ZNF584: variants seen among roughly 807,000 people sequenced by gnomAD.
ZNF584 encodes the protein zinc finger protein 584.
In ZNF584, 12 loss-of-function variants were observed where a neutral mutation model predicts 14.7. The observed-to-expected ratio is 0.82, with a 90% CI of 0.52 to 1.32. ZNF584 has a LOEUF of 1.32. Ranked by LOEUF, ZNF584 falls within the 40% of genes most tolerant of loss-of-function variation. The pLI is 0.00. For missense variants in ZNF584, 478 were observed against 518.8 expected (o/e 0.92, Z 0.76); for synonymous variants, 204 against 190.9 (o/e 1.07, Z -0.57).
intron 1 of ZNF584, chr19:58,401,689 C>G (rs1288268860): frequency 6.6e-6 from 1 of 150,712 alleles, no homozygotes; most frequent in East Asian, 2.0e-4. Flanking sequence ...AGACCAGTCC[C>G]TTCGAGCGCC....
At position 58,412,488 on chromosome 19, in the gene ZNF584, C is replaced by T. The variant is rs958579964; in HGVS notation, c.169+2397C>T. Among the ~76,000 whole-genome samples the T allele has an allele frequency of 4.6e-5, 7 of 151,950 alleles. No homozygotes were observed. The East Asian group carries it at 5.8e-4, about 13-fold the overall frequency. ...CCTCCCAAAGTGCTGGGATTACAGG[C>T]GTGAGCCACCACGCCCGGCCTGGCC... On this transcript the variant is annotated intron_variant, in intron 2 of 3. Coordinates refer to ENST00000306910, the MANE Select transcript of ZNF584 (RefSeq NM_173548.3).
At position 58,409,152 on chromosome 19, in the gene ZNF584, C is replaced by A; in HGVS notation, c.5C>A (p.Ala2Asp). 3 of 1,445,640 alleles carry A rather than the reference C, an allele frequency of 2.1e-6. No homozygotes were observed. The highest frequency in any genetic ancestry group is 1.8e-6 in the Non-Finnish European group (2 of 1,091,806). 89.6% of individuals were successfully genotyped at this position (1,445,640 alleles called of 1,614,324 possible). Reference protein sequence around the residue: MAGEAEAQLDPS... With the variant: MDGEAEAQLDPS... ...GGGTTCTGCCCGCACGGTCCAATGG[C>A]CGGGGAGGCGGAGGTGAGCAGAGGA... The change falls in exon 1 of 4, where the codon GCC becomes GAC. Residue 2 changes from alanine (A) to aspartate (D), a missense_variant. Coordinates refer to ENST00000306910, the MANE Select transcript of ZNF584 (RefSeq NM_173548.3).
In ZNF584 at chr19:58,417,096, G is replaced by A. The variant is rs756305635; in HGVS notation, c.578G>A (p.Arg193Lys). 5.0e-6 allele frequency: 8 copies of A among 1,613,900 alleles called. No individual in the cohort carries two copies. In the East Asian group the frequency reaches 1.8e-4, roughly 36 times the overall value. The change falls in exon 4 of 4, where the codon AGA becomes AAA. Residue 193 changes from arginine to lysine, a missense_variant. Physicochemically the swap from Arg to Lys is conservative, Grantham distance 26. Transcript: ENST00000306910. ...AGACCCTTCAGATGCCCAACAGGCAGAAGTGCTTTCAAGAAGTCAGCTCAT... is the reference window on the plus strand; with the variant it reads ...AGACCCTTCAGATGCCCAACAGGCAAAAGTGCTTTCAAGAAGTCAGCTCAT... ...EERPFRCPTG[R>K]SAFKKSAHIN...
At chr19:58,413,253 G>A (rs1012609629) in intron 2 of ZNF584, among the ~76,000 whole-genome samples, 2 of 151,894 alleles carry the variant, frequency 1.3e-5, no homozygotes, top group African/African-American at 4.8e-5. Context: ...TTTAAAATAT[G>A]GGTATTTATA....
At chr19:58,416,099 A>T in intron 3 of ZNF584, 1 of 750,806 alleles carries the variant, frequency 1.3e-6, no homozygotes, top group Non-Finnish European at 2.1e-6. Context: ...TGACTTGGAG[A>T]CCCCACCTCT....
Position 58,417,595 on chromosome 19 carries a change from T to G in ZNF584, c.1077T>G (p.Cys359Trp), listed in dbSNP as rs1313401634. ...AACGGCCCTATGAATGTAGCCTGTGTGGGAAAACCTTCACTACCAGATCCT... is the reference window on the plus strand; with the variant it reads ...AACGGCCCTATGAATGTAGCCTGTGGGGGAAAACCTTCACTACCAGATCCT... ...TGERPYECSLCGKTFTTRSYR... is the reference protein window; with the variant it reads ...TGERPYECSLWGKTFTTRSYR... The change falls in exon 4 of 4, where the codon TGT (cysteine) becomes TGG (tryptophan). Residue 359 changes from cysteine to tryptophan, a missense_variant. Transcript: ENST00000306910. 1 of 1,614,096 alleles carries G rather than the reference T, an allele frequency of 6.2e-7. No individual in the cohort carries two copies. Among genetic ancestry groups the G allele is most frequent in the South Asian group, 1.1e-5 (1 of 91,072 alleles).
intron 1 of ZNF584, chr19:58,401,733 CG>C (rs1238354576): frequency 9.9e-6 from 1 of 101,354 alleles, no homozygotes. Flanking sequence ...ACGCCGGGGA[CG>C]AGTCTGTGGC....
chr19:58,414,930 T>C (rs1245008504), intron 2 of ZNF584, among the ~76,000 whole-genome samples: 3 of 152,032 alleles, frequency 2.0e-5, no homozygotes, highest in Non-Finnish European at 2.9e-5. Context: ...TCTCGCACTG[T>C]CGCCCAGGCT....
At chr19:58,404,835 C>T (rs993431116), upstream of ZNF584, 13 of 164,200 alleles carry the variant, frequency 7.9e-5, no homozygotes, top group African/African-American at 1.5e-4. Flanking sequence ...CCTCACCTCC[C>T]GGACAGGGCG....
At chr19:58,407,433 C>T (rs3826680), upstream of ZNF584, 31,543 of 152,200 alleles carry the variant, frequency 0.21, 3,669 homozygotes, top group Non-Finnish European at 0.27. Flanking sequence ...CCGAGCTGAA[C>T]GTGACCAGCT....
chr19:58,403,913 A>G (rs1301082143), upstream of ZNF584, among the ~76,000 whole-genome samples: 2 of 147,522 alleles, frequency 1.4e-5, no homozygotes, highest in Admixed American at 6.9e-5. Flanking sequence ...TTACTGTGAG[A>G]TCGTGGCACT....
chr19:58,410,605 A>ATG (rs2052546293), intron 2 of ZNF584, among the ~76,000 whole-genome samples: 5 of 11,968 alleles, frequency 4.2e-4, no homozygotes, highest in African/African-American at 8.4e-4. Context: ...ATATATATGT[A>ATG]TATATATGTG....
intron 2 of ZNF584, among the ~76,000 whole-genome samples, chr19:58,412,511 G>C (rs1364652864): frequency 1.3e-5 from 2 of 152,042 alleles, no homozygotes; most frequent in African/African-American, 4.8e-5. Context: ...GCCCGGCCTG[G>C]CCAGGGTGGT....
At chr19:58,416,626 T>C (rs2052645931) in intron 3 of ZNF584, 185 bp from the exon 4 acceptor site, 1 of 563,384 alleles carries the variant, frequency 1.8e-6, no homozygotes, top group East Asian at 3.1e-5. Context: ...GGTCTCGAAC[T>C]CCTGACCTCA....
intron 2 of ZNF584, among the ~76,000 whole-genome samples, chr19:58,413,501 A>G (rs1241445819): frequency 6.7e-6 from 1 of 149,702 alleles, no homozygotes; most frequent in Non-Finnish European, 1.5e-5. Flanking sequence ...ATGTGCCACC[A>G]TGCCTGGCTA....
upstream of ZNF584, chr19:58,407,167 A>C (rs1397352436): frequency 6.6e-6 from 1 of 152,188 alleles, no homozygotes; most frequent in Non-Finnish European, 1.5e-5. Flanking sequence ...TGCCACAACT[A>C]GTTTTGAGTT....
intron 2 of ZNF584, among the ~76,000 whole-genome samples, chr19:58,414,378 G>C (rs970959156): frequency 6.6e-6 from 1 of 151,050 alleles, no homozygotes; most frequent in Admixed American, 6.6e-5. Context: ...TTGCTCTGTC[G>C]CCCAGGCTGG....
chr19:58,410,559 G>GTATA (rs1568584453), intron 2 of ZNF584, among the ~76,000 whole-genome samples: 2 of 18,996 alleles, frequency 1.1e-4, no homozygotes, highest in Non-Finnish European at 1.8e-4. Context: ...ATATATATAT[G>GTATA]TGTATATATA....
Position 58,415,434 on chromosome 19 carries a change from G to A in ZNF584, c.170-90G>A, listed in dbSNP as rs1484881524. 3 of 1,501,094 alleles carry A rather than the reference G, an allele frequency of 2.0e-6. No homozygotes were observed. In the African/African-American group the frequency reaches 4.2e-5, roughly 21 times the overall value. 93.0% of individuals were successfully genotyped at this position (1,501,094 alleles called of 1,614,324 possible). A position where few individuals can be genotyped will look rare whatever the true frequency, so the allele number is the denominator to read the frequency against. On this transcript the variant is annotated intron_variant, in intron 2 of 3. Transcript: ENST00000306910. ...GCTGGTTGCGAACGTCTGGGTTTAA[G>A]TGATCTCCTACCTCACTTTCCAAAG...
Sources: allele counts gnomAD v4.1 joint callset (sites outside exome capture counted in the v4.1 genomes callset), GRCh38; gene constraint gnomAD v4.1.1; transcripts MANE v1.5; gene names NCBI Gene and HGNC (gene_info 2026-07-23, HGNC 2026-07-21).